Variants in EEA1 observed in about 807,000 individuals in gnomAD.
The protein encoded by EEA1 is early endosome antigen 1, also known as early endosome antigen 1, 162kD.
In EEA1, 111 loss-of-function variants were observed where a neutral mutation model predicts 209.2. The ratio of observed to expected loss-of-function variants is 0.53; its 90% CI spans 0.45 to 0.62. The LOEUF (loss-of-function observed/expected upper bound fraction) is 0.62. EEA1 is among the 20% of genes least tolerant of loss of function. The pLI is 0.00. For missense variants in EEA1, 1,343 were observed against 1,530.8 expected (o/e 0.88, Z 2.05); for synonymous variants, 536 against 540.6 (o/e 0.99, Z 0.12).
At chr12:92,893,792 T>C (rs1384484508) in intron 1 of EEA1, among the ~76,000 whole-genome samples, 6 of 152,206 alleles carry the variant, frequency 3.9e-5, no homozygotes, top group Non-Finnish European at 8.8e-5. Context: ...GAATTGCTTT[T>C]ATCTTGAAAA....
rs745757986 is a variant in EEA1 at position 92,827,918 on chromosome 12, T to C, written c.1398A>G (p.Glu466=). ...ADLQLKLSRL[E]EQLKEKVTNS... ...ATTGAAAATGCTAGCTTACCTGCTCTTCTAACCGAGAAAGTTTGAGTTGTA... is the reference window on the plus strand; with the variant it reads ...ATTGAAAATGCTAGCTTACCTGCTCCTCTAACCGAGAAAGTTTGAGTTGTA... Residue 466 remains glutamate, a synonymous_variant, in exon 12 of 29, where the codon GAA becomes GAG. Transcript: ENST00000322349. The C allele has an allele frequency of 6.4e-7, 1 of 1,568,072 alleles. No individual in the cohort carries two copies. Among genetic ancestry groups the C allele is most frequent in the Non-Finnish European group, 8.6e-7 (1 of 1,161,454 alleles).
chr12:92,901,236 A>C (rs1880128221), intron 1 of EEA1, among the ~76,000 whole-genome samples: 1 of 151,734 alleles, frequency 6.6e-6, no homozygotes, highest in Non-Finnish European at 1.5e-5. Flanking sequence ...TATTTTTGTA[A>C]AGATGAGGTC....
intron 3 of EEA1, chr12:92,859,174 G>T: frequency 1.9e-6 from 3 of 1,605,922 alleles, no homozygotes; most frequent in South Asian, 1.1e-5. Flanking sequence ...CATTGTCAGG[G>T]ATCTGGATCT....
At chr12:92,865,109 A>G in intron 2 of EEA1, 122 bp from the exon 3 acceptor site, 1 of 684,146 alleles carries the variant, frequency 1.5e-6, no homozygotes, top group East Asian at 3.4e-5. Flanking sequence ...GGTAAATTTT[A>G]TCTTATGGTA....
At chr12:92,807,549 C>A (rs1014676581) in intron 18 of EEA1, among the ~76,000 whole-genome samples, 3 of 151,966 alleles carry the variant, frequency 2.0e-5, no homozygotes, top group Non-Finnish European at 2.9e-5. Flanking sequence ...AAGAACTCTA[C>A]AAACAACAAC....
chr12:92,889,994 A>T (rs1305571831), intron 2 of EEA1, among the ~76,000 whole-genome samples: 1 of 152,230 alleles, frequency 6.6e-6, no homozygotes. Flanking sequence ...TTAAACACCA[A>T]TTCATCAAAA....
At chr12:92,856,136 T>C (rs373809675) in intron 5 of EEA1, among the ~76,000 whole-genome samples, 2 of 152,336 alleles carry the variant, frequency 1.3e-5, no homozygotes, top group Admixed American at 1.3e-4. Context: ...CAAGATAACA[T>C]GCAAAGGGAT....
At chr12:92,917,550 A>AT (rs1424497545) in intron 1 of EEA1, among the ~76,000 whole-genome samples, 63 of 151,362 alleles carry the variant, frequency 4.2e-4, no homozygotes, top group African/African-American at 1.4e-3. Context: ...ATGCTGAGAG[A>AT]TTTTGTCACC....
intron 2 of EEA1, among the ~76,000 whole-genome samples, chr12:92,874,618 A>G (rs975116528): frequency 6.6e-6 from 1 of 152,188 alleles, no homozygotes; most frequent in African/African-American, 2.4e-5. Context: ...CGCCTGCCTC[A>G]GCCTCCCAAA....
Position 92,925,268 on chromosome 12 carries a change from G to A in EEA1, c.24+3775C>T, listed in dbSNP as rs1332681865. ...CAGGGTCTCACTCTGTTGCTGGAGT[G>A]CAGTGGCACGATCTTGGCTCACTGC... On this transcript the variant is annotated intron_variant, in intron 1 of 28. Coordinates refer to ENST00000322349, the MANE Select transcript of EEA1 (RefSeq NM_003566.4). Among the ~76,000 whole-genome samples the A allele has an allele frequency of 4.0e-5, 6 of 151,662 alleles. No homozygotes were observed. The South Asian group carries it at 1.2e-3, about 31-fold the overall frequency.
chr12:92,912,632 A>C (rs758275682), intron 1 of EEA1, among the ~76,000 whole-genome samples: 4 of 152,150 alleles, frequency 2.6e-5, no homozygotes, highest in Non-Finnish European at 5.9e-5. Context: ...ATAGTGGTGA[A>C]GTCTCGGCTT....
rs759081546 is a variant in EEA1, at chr12:92,832,661, C to G, written c.1105G>C (p.Glu369Gln). ...SLHRIHVELS[E>Q]KGEATQKLKE... ...AGCTTTTGAGTAGCTTCTCCTTTTTCACTTAGTTCTACATGTATTCTATGC... is the reference window on the plus strand; with the variant it reads ...AGCTTTTGAGTAGCTTCTCCTTTTTGACTTAGTTCTACATGTATTCTATGC... Residue 369 changes from glutamate to glutamine, a missense_variant, in exon 11 of 29, where the codon GAA becomes CAA. Physicochemically the swap from Glu to Gln is conservative, Grantham distance 29 (BLOSUM62 2). This residue lies in a region of EEA1 where 1,307 missense variants were observed against 1,465.5 expected (regional missense o/e 0.89). Coordinates refer to ENST00000322349, the MANE Select transcript of EEA1 (RefSeq NM_003566.4). The G allele has an allele frequency of 6.2e-7, 1 of 1,613,946 alleles. No homozygotes were observed. Among genetic ancestry groups the G allele is most frequent in the Non-Finnish European group, 8.5e-7 (1 of 1,179,976 alleles).
chr12:92,881,132 A>C (rs1879119666), intron 2 of EEA1, among the ~76,000 whole-genome samples: 1 of 152,104 alleles, frequency 6.6e-6, no homozygotes, highest in Non-Finnish European at 1.5e-5. Context: ...GGCTCAGTGT[A>C]GTAGATCATG....
At chr12:92,866,295 A>G (rs1878393806) in intron 2 of EEA1, among the ~76,000 whole-genome samples, 1 of 152,042 alleles carries the variant, frequency 6.6e-6, no homozygotes, top group African/African-American at 2.4e-5. Flanking sequence ...TATTACACAT[A>G]CAATTCTGCT....
intron 9 of EEA1, among the ~76,000 whole-genome samples, chr12:92,847,018 T>C (rs1877412120): frequency 6.6e-6 from 1 of 152,206 alleles, no homozygotes; most frequent in African/African-American, 2.4e-5. Flanking sequence ...AGTGACATGA[T>C]CTTGGCTCAC....
At chr12:92,825,468 A>T (rs1415354371) in intron 13 of EEA1, among the ~76,000 whole-genome samples, 1 of 152,040 alleles carries the variant, frequency 6.6e-6, no homozygotes, top group Non-Finnish European at 1.5e-5. Flanking sequence ...TCAAAAAAAA[A>T]AAAAAGAATG....
At chr12:92,830,014 G>C (rs529175024) in intron 11 of EEA1, among the ~76,000 whole-genome samples, 2 of 151,850 alleles carry the variant, frequency 1.3e-5, no homozygotes, top group South Asian at 4.2e-4. Context: ...GAGAGTGTGG[G>C]GGGGGCGGGT....
intron 21 of EEA1, among the ~76,000 whole-genome samples, chr12:92,788,814 T>C (rs1874256123): frequency 6.6e-6 from 1 of 152,224 alleles, no homozygotes; most frequent in African/African-American, 2.4e-5. Flanking sequence ...TGTCTCCTTC[T>C]AGAAACACTT....
At chr12:92,894,692 T>C (rs138147283) in intron 1 of EEA1, among the ~76,000 whole-genome samples, 40 of 152,170 alleles carry the variant, frequency 2.6e-4, no homozygotes, top group African/African-American at 6.3e-4. Flanking sequence ...GTAGCAGAGG[T>C]TGGTTCATGG....
Sources: allele counts gnomAD v4.1 joint callset (sites outside exome capture counted in the v4.1 genomes callset), GRCh38; gene constraint gnomAD v4.1.1; regional missense constraint gnomAD v4.1.1; transcripts MANE v1.5; gene names NCBI Gene and HGNC (gene_info 2026-07-23, HGNC 2026-07-21).